TRMT2B: variants seen among roughly 807,000 people sequenced by gnomAD.
TRMT2B encodes tRNA (uracil-5-)-methyltransferase homolog B.
TRMT2B carries 34 observed loss-of-function variants against 39.7 expected under a neutral mutation model. That is an observed-to-expected ratio of 0.86 (90% CI 0.65 to 1.14). The LOEUF (loss-of-function observed/expected upper bound fraction) is 1.14. Among genes scored for constraint, TRMT2B ranks in the 50% most tolerant of loss-of-function variants. TRMT2B has a pLI of 0.00. For synonymous variants in TRMT2B, 132 were observed against 137.3 expected (o/e 0.96, Z 0.27); for missense variants, 318 against 377.2 (o/e 0.84, Z 1.30).
chrX:100,985,560 C>T, the TRMT2B span: 7 of 949,355 alleles, frequency 7.4e-6, no homozygotes, highest in Non-Finnish European at 8.7e-6. Flanking sequence ...ATAGTACTTC[C>T]CAGCAGGATA....
At chrX:101,051,015 C>G (rs2089050320) in intron 2 of TRMT2B, among the ~76,000 whole-genome samples, 1 of 108,689 alleles carries the variant, frequency 9.2e-6, no homozygotes, top group South Asian at 4.0e-4. Flanking sequence ...GCACTCCAGC[C>G]TGGGTGACAA....
chrX:100,985,397 C>T, the TRMT2B span, among the ~76,000 whole-genome samples: 2 of 111,634 alleles, frequency 1.8e-5, no homozygotes, highest in African/African-American at 6.5e-5. Flanking sequence ...ATGGGTAAAG[C>T]GATGATTTAG....
the TRMT2B span, among the ~76,000 whole-genome samples, chrX:100,995,332 A>T: frequency 1.8e-5 from 2 of 112,133 alleles, no homozygotes; most frequent in Non-Finnish European, 3.8e-5. Flanking sequence ...AGCTGTAATA[A>T]AATGTTCTCC....
intron 13 of TRMT2B, among the ~76,000 whole-genome samples, chrX:101,015,012 T>C (rs1207594704): frequency 1.8e-5 from 2 of 111,387 alleles, no homozygotes; most frequent in African/African-American, 6.5e-5. Context: ...TTGTATGATA[T>C]ATGAGTTGTA....
chrX:101,019,296 G>A lies in TRMT2B; in HGVS notation c.1276C>T (p.Arg426Cys), dbSNP rs370988770. The A allele has an allele frequency of 1.7e-6, 2 of 1,211,475 alleles. No homozygotes were observed. The highest frequency in any genetic ancestry group is 2.2e-6 in the Non-Finnish European group (2 of 895,440). Residue 426 changes from arginine (R) to cysteine (C), a missense_variant, in exon 12 of 14, where the codon CGT becomes TGT. Physicochemically the swap from Arg to Cys is radical, Grantham distance 180. Transcript: ENST00000372936. ...QSIVAVVNPARAGLHYKVIQA... is the reference protein window; with the variant it reads ...QSIVAVVNPACAGLHYKVIQA... ...TGTTCATCCTTACGCAGTCCGGCAC[G>A]GGCTGGGTTCACCACAGCAACAATT...
chrX:101,027,324 C>T (rs1030099088), intron 7 of TRMT2B, among the ~76,000 whole-genome samples: 4 of 110,081 alleles, frequency 3.6e-5, no homozygotes, highest in South Asian at 8.0e-4. Flanking sequence ...CTCCGCCTCC[C>T]GGGTTCAAGC....
At chrX:100,983,654 G>A in the TRMT2B span, among the ~76,000 whole-genome samples, 2 of 111,434 alleles carry the variant, frequency 1.8e-5, no homozygotes, top group Non-Finnish European at 3.8e-5. Context: ...ACCGTCCCTG[G>A]CCCACTTGTT....
the TRMT2B span, among the ~76,000 whole-genome samples, chrX:100,980,738 CA>C: frequency 1.8e-5 from 2 of 111,725 alleles, no homozygotes; most frequent in African/African-American, 6.5e-5. Context: ...GGCCAAGGCC[CA>C]TGGTGACTAC....
chrX:101,045,310 C>G (rs181212834), intron 2 of TRMT2B, among the ~76,000 whole-genome samples: 1 of 106,526 alleles, frequency 9.4e-6, no homozygotes, highest in Non-Finnish European at 1.9e-5. Flanking sequence ...CAAAATTAGC[C>G]GCGCATGGTG....
At chrX:101,034,349 C>T (rs1287062940) in intron 7 of TRMT2B, among the ~76,000 whole-genome samples, 1 of 99,752 alleles carries the variant, frequency 1.0e-5, no homozygotes, top group Admixed American at 1.1e-4. Context: ...GCCATGTTGG[C>T]CAGGCTGGTC....
At chrX:101,050,159 G>C (rs958098882) in intron 2 of TRMT2B, among the ~76,000 whole-genome samples, 1 of 112,047 alleles carries the variant, frequency 8.9e-6, no homozygotes, top group African/African-American at 3.2e-5. Flanking sequence ...TAGTTCATTT[G>C]CCCTATACCC....
chrX:100,995,430 T>C, the TRMT2B span, among the ~76,000 whole-genome samples: 318 of 112,101 alleles, frequency 2.8e-3, no homozygotes, highest in African/African-American at 0.01. Context: ...CTTTCTGCTA[T>C]TGGCACATAG....
At chrX:101,050,347 T>C (rs2088982338) in intron 2 of TRMT2B, among the ~76,000 whole-genome samples, 1 of 110,495 alleles carries the variant, frequency 9.1e-6, no homozygotes, top group East Asian at 2.8e-4. Flanking sequence ...CTAGTCAAGG[T>C]GAGTTCTGTT....
intron 2 of TRMT2B, among the ~76,000 whole-genome samples, chrX:101,048,736 G>A (rs767026652): frequency 8.0e-5 from 9 of 112,469 alleles, no homozygotes; most frequent in Admixed American, 6.6e-4. Flanking sequence ...CACCACATTC[G>A]GCTGGAGCCA....
chrX:100,996,245 A>ATGAT, the TRMT2B span, among the ~76,000 whole-genome samples: 1 of 112,295 alleles, frequency 8.9e-6, no homozygotes, highest in African/African-American at 3.2e-5. Flanking sequence ...AGAGAATAGA[A>ATGAT]TGATAGATAC....
intron 2 of TRMT2B, among the ~76,000 whole-genome samples, chrX:101,044,080 A>G (rs908309770): frequency 9.1e-6 from 1 of 109,699 alleles, no homozygotes; most frequent in African/African-American, 3.3e-5. Flanking sequence ...CGTCTCTACT[A>G]AAAATACAAT....
At chrX:100,973,617 A>C in the TRMT2B span, 1 of 1,096,068 alleles carries the variant, frequency 9.1e-7, no homozygotes, top group Admixed American at 2.2e-5. Context: ...AGCTGACTAA[A>C]GGCTCAGTGT....
intron 7 of TRMT2B, among the ~76,000 whole-genome samples, chrX:101,026,302 C>A (rs1184778403): frequency 9.1e-6 from 1 of 109,790 alleles, no homozygotes; most frequent in Admixed American, 9.8e-5. Context: ...CATGGTAAAA[C>A]TCCATCTCTA....
At chrX:101,046,163 A>AAAATC (rs1399228111) in intron 2 of TRMT2B, among the ~76,000 whole-genome samples, 5 of 109,621 alleles carry the variant, frequency 4.6e-5, no homozygotes, top group Non-Finnish European at 7.6e-5. Context: ...AAAAAAAAAA[A>AAAATC]AATCAATCAA....
Sources: allele counts gnomAD v4.1 joint callset (sites outside exome capture counted in the v4.1 genomes callset), GRCh38; gene constraint gnomAD v4.1.1; transcripts MANE v1.5; gene names NCBI Gene and HGNC (gene_info 2026-07-23, HGNC 2026-07-21).